The following NR6A1 variants were observed in gnomAD, a reference collection of about 807,000 sequenced individuals.
NR6A1 encodes the protein retinoic acid receptor-related testis-associated receptor.
Under a neutral mutation model 59.1 loss-of-function variants are expected in NR6A1, and 7 were observed. The observed-to-expected ratio is 0.12, with a 90% CI of 0.07 to 0.22. NR6A1 has a LOEUF of 0.22. Among genes scored for constraint, NR6A1 ranks in the 10% least tolerant of loss-of-function variants. The pLI is 1.00. For synonymous variants in NR6A1, 243 were observed against 236.1 expected (o/e 1.03, Z -0.27); for missense variants, 468 against 611.6 (o/e 0.77, Z 2.48).
At chr9:124,709,437 C>T (rs1468607406) in intron 2 of NR6A1, among the ~76,000 whole-genome samples, 2 of 152,076 alleles carry the variant, frequency 1.3e-5, no homozygotes, top group Admixed American at 6.6e-5. Flanking sequence ...GGCTATGTGA[C>T]ATGCCAGGGG....
Position 124,678,951 on chromosome 9 carries a change from C to T in NR6A1, c.142+54357G>A, listed in dbSNP as rs141344159. On this transcript the variant is annotated intron_variant, in intron 2 of 9. Coordinates refer to ENST00000487099, the MANE Select transcript of NR6A1 (RefSeq NM_033334.4). Reference sequence around the variant, plus strand: ...AGAAAAGCAGCTGGCCCCGGTGGTTCGTGCCTATAATCCCAGCTACTCAGG... The same window carrying T: ...AGAAAAGCAGCTGGCCCCGGTGGTTTGTGCCTATAATCCCAGCTACTCAGG... Among the ~76,000 whole-genome samples the T allele has an allele frequency of 2.3e-3, 356 of 152,128 alleles. 1 individual carries two copies. The highest frequency in any genetic ancestry group is 8.1e-3 in the African/African-American group (337 of 41,492).
rs554155491 is a variant in NR6A1 at position 124,605,414 on chromosome 9, G to A, written c.143-50844C>T. Among the ~76,000 whole-genome samples the A allele has an allele frequency of 8.5e-5, 13 of 152,278 alleles. 1 individual carries two copies. In the South Asian group the frequency reaches 2.7e-3, roughly 32 times the overall value. Reference sequence around the variant, plus strand: ...AGTCCTAGCTACTTGAGAGGCGTGAGTATCACTTGAGCCAGGAGTTCTAGG... The same window carrying A: ...AGTCCTAGCTACTTGAGAGGCGTGAATATCACTTGAGCCAGGAGTTCTAGG... On this transcript the variant is annotated intron_variant, in intron 2 of 9. Transcript: ENST00000487099.
At chr9:124,654,839 T>C (rs1295532485) in intron 2 of NR6A1, among the ~76,000 whole-genome samples, 1 of 150,718 alleles carries the variant, frequency 6.6e-6, no homozygotes, top group Non-Finnish European at 1.5e-5. Flanking sequence ...GATACCTAGA[T>C]ACTGGTTGCT....
At chr9:124,740,441 T>TGA in intron 1 of NR6A1, among the ~76,000 whole-genome samples, 1 of 151,612 alleles carries the variant, frequency 6.6e-6, no homozygotes, top group Non-Finnish European at 1.5e-5. Flanking sequence ...CAATTGCAAT[T>TGA]CAAGTCTTAT....
Position 124,520,236 on chromosome 9 carries a change from T to G in NR6A1, c.*2469A>C, listed in dbSNP as rs1437901340. On this transcript the variant is annotated 3_prime_UTR_variant, in exon 10 of 10. Transcript: ENST00000487099. ...GCAATGCAACACATTCACTTTACCC[T>G]GTTTAAAAAAAGCCCACGTCATAAA... The G allele has an allele frequency of 6.6e-6, 1 of 152,126 alleles. No homozygotes were observed. The highest frequency in any genetic ancestry group is 1.5e-5 in the Non-Finnish European group (1 of 68,038). The allele number at this position is 152,126 out of a possible 1,614,324, so 9.4% of individuals were successfully genotyped here. A position where few individuals can be genotyped will look rare whatever the true frequency, so the allele number is the denominator to read the frequency against.
chr9:124,539,352 C>A (rs1453434479), intron 5 of NR6A1, among the ~76,000 whole-genome samples: 1 of 152,188 alleles, frequency 6.6e-6, no homozygotes, highest in Non-Finnish European at 1.5e-5. Context: ...ATGTCCATGG[C>A]CATAGCTGTT....
chr9:124,684,974 C>T (rs1195837757), intron 2 of NR6A1, among the ~76,000 whole-genome samples: 1 of 149,462 alleles, frequency 6.7e-6, no homozygotes, highest in Non-Finnish European at 1.5e-5. Context: ...TGCAGATGGC[C>T]AATAGGAAAC....
chr9:124,734,435 G>A (rs995388141), intron 1 of NR6A1, among the ~76,000 whole-genome samples: 1 of 152,230 alleles, frequency 6.6e-6, no homozygotes, highest in Non-Finnish European at 1.5e-5. Flanking sequence ...GCTCATGCCT[G>A]TAATCCCAGC....
chr9:124,762,646 T>C (rs1298875060), intron 1 of NR6A1, among the ~76,000 whole-genome samples: 2 of 152,352 alleles, frequency 1.3e-5, no homozygotes, highest in East Asian at 3.9e-4. Context: ...ATCAATGAAC[T>C]ATGTGTAATC....
intron 2 of NR6A1, among the ~76,000 whole-genome samples, chr9:124,634,635 C>T (rs986119388): frequency 7.9e-5 from 12 of 152,136 alleles, no homozygotes; most frequent in Admixed American, 7.2e-4. Flanking sequence ...TTCTGGCTAA[C>T]ACGGTGAAAC....
chr9:124,565,421 C>T (rs1008509209), intron 2 of NR6A1, among the ~76,000 whole-genome samples: 15 of 151,506 alleles, frequency 9.9e-5, no homozygotes, highest in African/African-American at 3.4e-4. Flanking sequence ...AACGAGACTC[C>T]GTCTCAAAAA....
At position 124,582,580 on chromosome 9, in the gene NR6A1, A is replaced by T. The variant is rs192537824; in HGVS notation, c.143-28010T>A. 5.3e-3 allele frequency among the ~76,000 whole-genome samples: 748 copies of T among 142,154 alleles called. 8 individuals carry two copies. The highest frequency in any genetic ancestry group is 0.018 in the African/African-American group (677 of 38,170). 93.3% of individuals were successfully genotyped at this position (142,154 alleles called of 152,430 possible). A position where few individuals can be genotyped will look rare whatever the true frequency, so the allele number is the denominator to read the frequency against. ...ACATGTACCCCTGAACTTAAAAGTTAAAAAAAAAAAAAGAAATGGTTCTGG... is the reference window on the plus strand; with the variant it reads ...ACATGTACCCCTGAACTTAAAAGTTTAAAAAAAAAAAAGAAATGGTTCTGG... On this transcript the variant is annotated intron_variant, in intron 2 of 9. Coordinates refer to ENST00000487099, the MANE Select transcript of NR6A1 (RefSeq NM_033334.4).
chr9:124,540,275 A>C, intron 4 of NR6A1, 88 bp from the exon 5 acceptor site: 1 of 1,395,480 alleles, frequency 7.2e-7, no homozygotes, highest in Non-Finnish European at 9.7e-7. Context: ...ATCTCATAGG[A>C]TTTCCCAGAA....
At chr9:124,688,441 A>G (rs748087973) in intron 2 of NR6A1, among the ~76,000 whole-genome samples, 32 of 152,260 alleles carry the variant, frequency 2.1e-4, no homozygotes, top group Non-Finnish European at 4.1e-4. Flanking sequence ...GAAAACGCAT[A>G]TAATGAGGGA....
chr9:124,639,049 C>T (rs1836699713), intron 2 of NR6A1, among the ~76,000 whole-genome samples: 1 of 152,234 alleles, frequency 6.6e-6, no homozygotes, highest in African/African-American at 2.4e-5. Flanking sequence ...CACAATTGAG[C>T]ACTTATGGGC....
chr9:124,679,939 T>G (rs1468442756), intron 2 of NR6A1, among the ~76,000 whole-genome samples: 1 of 151,232 alleles, frequency 6.6e-6, no homozygotes, highest in Non-Finnish European at 1.5e-5. Flanking sequence ...AAAAAAGACC[T>G]AACACCCACC....
At chr9:124,539,914 G>T in intron 5 of NR6A1, 119 bp downstream of exon 5, 3 of 1,172,670 alleles carry the variant, frequency 2.6e-6, no homozygotes, top group Non-Finnish European at 3.5e-6. Context: ...AGAGTCTGAG[G>T]GAGCAACAGT....
chr9:124,604,688 T>G (rs1185788490), intron 2 of NR6A1, among the ~76,000 whole-genome samples: 1 of 152,058 alleles, frequency 6.6e-6, no homozygotes, highest in Non-Finnish European at 1.5e-5. Context: ...TGCACGCCTG[T>G]GGTCCCAGCA....
intron 1 of NR6A1, among the ~76,000 whole-genome samples, chr9:124,753,569 G>C (rs1431571107): frequency 6.6e-6 from 1 of 152,198 alleles, no homozygotes; most frequent in Non-Finnish European, 1.5e-5. Context: ...CTAAGCCTCA[G>C]TTTACTCATC....
Sources: gnomAD v4.1 joint callset for allele counts (sites outside exome capture counted in the v4.1 genomes callset) on GRCh38, gnomAD v4.1.1 for gene constraint, MANE v1.5 for transcripts, NCBI Gene and HGNC (gene_info 2026-07-23, HGNC 2026-07-21) for gene names.